CDCA3: variants seen among roughly 807,000 people sequenced by gnomAD.
The protein encoded by CDCA3 is cell division cycle-associated protein 3.
A neutral mutation model predicts 29.1 loss-of-function variants in CDCA3; 16 were observed. That is an observed-to-expected ratio of 0.55 (90% CI 0.37 to 0.83). The LOEUF is 0.83. Among genes scored for constraint, CDCA3 ranks in the 40% least tolerant of loss-of-function variants. The pLI, the probability that CDCA3 is intolerant of heterozygous loss-of-function variation, is 0.00. For missense variants in CDCA3, 291 were observed against 327.2 expected, an observed-to-expected ratio of 0.89 and a Z score of 0.85; for synonymous variants, 88 against 124.5, an observed-to-expected ratio of 0.71 and a Z score of 1.95.
At chr12:6,846,847 G>A, downstream of CDCA3, 1 of 1,602,466 alleles carries the variant, frequency 6.2e-7, no homozygotes, top group Non-Finnish European at 8.5e-7. Context: ...CAGCTGACGG[G>A]ATGGCTGTGG....
At chr12:6,845,509 G>A (rs933089160), downstream of CDCA3, 2 of 967,196 alleles carry the variant, frequency 2.1e-6, no homozygotes, top group Non-Finnish European at 3.2e-6. Context: ...GGAGCTGTCA[G>A]GTGGGAGGCA....
At position 6,850,205 on chromosome 12, in the gene CDCA3, A is replaced by G; in HGVS notation, c.250+262T>C. ...TTATGTGTGTGTATTTTTTCTAGAG[A>G]TGGGGTTTTGCCATGTTGCCTAGGC... On this transcript the variant is annotated intron_variant, in intron 3 of 5. Coordinates refer to ENST00000538862, the MANE Select transcript of CDCA3 (RefSeq NM_031299.7). The surrounding 1 kb of genome is among the most constrained non-coding windows in gnomAD (Gnocchi z 4.7). 1 of 516,802 alleles carries G rather than the reference A, an allele frequency of 1.9e-6. No homozygotes were observed. The highest frequency in any genetic ancestry group is 3.5e-6 in the Non-Finnish European group (1 of 287,788). 32.0% of individuals were successfully genotyped at this position (516,802 alleles called of 1,614,324 possible). A position where few individuals can be genotyped will look rare whatever the true frequency, so the allele number is the denominator to read the frequency against.
Position 6,850,526 on chromosome 12 carries a change from G to T in CDCA3, c.191C>A (p.Ser64Ter). 1 of 1,614,120 alleles carries T rather than the reference G, an allele frequency of 6.2e-7. No homozygotes were observed. Among genetic ancestry groups the T allele is most frequent in the Non-Finnish European group, 8.5e-7 (1 of 1,180,012 alleles). ...QLEGLKHAQD[S>*]DPRSPTLGIA... ...ACCAAGAGTAGGAGAGCGGGGATCT[G>T]AGTCCTGGGCATGTTTAAGACCCTC... Residue 64 changes from serine to a stop codon, truncating the protein, a stop_gained, in exon 3 of 6, where the codon TCA becomes TAA. Transcript: ENST00000538862. LOFTEE classifies it high-confidence loss of function. This position sits in a 1 kb window ranked among gnomAD's most constrained non-coding sequence, Gnocchi z 4.7.
chr12:6,850,002 C>A lies in CDCA3; in HGVS notation c.251-144G>T, dbSNP rs1943800859. 4.2e-6 allele frequency: 3 copies of A among 716,094 alleles called. No homozygotes were observed. The highest frequency in any genetic ancestry group is 4.2e-6 in the Non-Finnish European group (2 of 473,512). The allele number at this position is 716,094 out of a possible 1,614,324, so 44.4% of individuals were successfully genotyped here. Reference sequence around the variant, plus strand: ...TCAAGGAAATCAAGGTGAAAGGGAGCAATTTTTTTTTTTTTTGAGATGGGG... The same window carrying A: ...TCAAGGAAATCAAGGTGAAAGGGAGAAATTTTTTTTTTTTTTGAGATGGGG... On this transcript the variant is annotated intron_variant, in intron 3 of 5. Coordinates refer to ENST00000538862, the MANE Select transcript of CDCA3 (RefSeq NM_031299.7). This position sits in a 1 kb window ranked among gnomAD's most constrained non-coding sequence, Gnocchi z 4.7.
In CDCA3 at chr12:6,850,180, TTA is replaced by T; in HGVS notation, c.250+285_250+286del. On this transcript the variant is annotated intron_variant, in intron 3 of 5. Coordinates refer to ENST00000538862, the MANE Select transcript of CDCA3 (RefSeq NM_031299.7). This position sits in a 1 kb window ranked among gnomAD's most constrained non-coding sequence, Gnocchi z 4.7. ...GTGCTTTTGTGTGTGTGTGTGTGTG[TTA>T]TGTGTGTGTATTTTTTCTAGAGATG... 4 of 509,684 alleles carry T rather than the reference TTA, an allele frequency of 7.8e-6. No individual in the cohort carries two copies. The highest frequency in any genetic ancestry group is 1.4e-5 in the Non-Finnish European group (4 of 283,026). 31.6% of individuals were successfully genotyped at this position (509,684 alleles called of 1,614,324 possible).
At chr12:6,846,532 A>C, downstream of CDCA3, 1 of 365,044 alleles carries the variant, frequency 2.7e-6, no homozygotes, top group Non-Finnish European at 5.0e-6. Context: ...CCCTACAGCT[A>C]ATCCTCTTTC....
Position 6,848,831 on chromosome 12 carries a change from CT to C in CDCA3, c.*211del. On this transcript the variant is annotated 3_prime_UTR_variant, in exon 6 of 6. Coordinates refer to ENST00000538862, the MANE Select transcript of CDCA3 (RefSeq NM_031299.7). ...AACTCGGTGCAAGGTTTACATATAC[CT>C]TTTTAAAGTAACATTTAAAATTACT... The C allele has an allele frequency of 3.5e-6, 2 of 570,664 alleles. No homozygotes were observed. Among genetic ancestry groups the C allele is most frequent in the Non-Finnish European group, 6.2e-6 (2 of 323,016 alleles). 35.4% of individuals were successfully genotyped at this position (570,664 alleles called of 1,614,324 possible).
chr12:6,849,194 T>C lies in CDCA3; in HGVS notation c.656A>G (p.Lys219Arg), dbSNP rs782699279. The C allele has an allele frequency of 2.0e-5, 32 of 1,614,176 alleles. No homozygotes were observed. The African/African-American group carries it at 3.3e-4, about 17-fold the overall frequency. ...SPGTLTLRQG[K>R]RPSPLSENVS... ...ATTTTCACTTAGGGGTGAAGGCCGC[T>C]TACCCTGAAAACGGCAGTGTATGAG... The change falls in exon 6 of 6, where the codon AAG becomes AGG. Residue 219 changes from lysine to arginine, a missense_variant. Transcript: ENST00000538862. This position sits in a 1 kb window ranked among gnomAD's most constrained non-coding sequence, Gnocchi z 5.2.
chr12:6,845,496 C>T, downstream of CDCA3: 4 of 850,318 alleles, frequency 4.7e-6, no homozygotes, highest in Non-Finnish European at 7.6e-6. Flanking sequence ...AGCGGCTTGC[C>T]CTGGAGCTGT....
downstream of CDCA3, chr12:6,848,012 C>T (rs1239151536): frequency 6.6e-6 from 1 of 152,066 alleles, no homozygotes; most frequent in Non-Finnish European, 1.5e-5. Context: ...TGAGACAAGC[C>T]TGAGCAACAT....
chr12:6,848,160 G>A (rs1943743819), downstream of CDCA3: 1 of 152,106 alleles, frequency 6.6e-6, no homozygotes, highest in Non-Finnish European at 1.5e-5. Context: ...AACCAGCCTG[G>A]GCAATATGGC....
Position 6,850,002 on chromosome 12 carries a change from CA to C in CDCA3, c.251-145del. ...TCAAGGAAATCAAGGTGAAAGGGAG[CA>C]ATTTTTTTTTTTTTTGAGATGGGGC... On this transcript the variant is annotated intron_variant, in intron 3 of 5. Coordinates refer to ENST00000538862, the MANE Select transcript of CDCA3 (RefSeq NM_031299.7). This position sits in a 1 kb window ranked among gnomAD's most constrained non-coding sequence, Gnocchi z 4.7. 2 of 716,090 alleles carry C rather than the reference CA, an allele frequency of 2.8e-6. No individual in the cohort carries two copies. The highest frequency in any genetic ancestry group is 1.8e-5 in the African/African-American group (1 of 54,518). The allele number at this position is 716,090 out of a possible 1,614,324, so 44.4% of individuals were successfully genotyped here. A position where few individuals can be genotyped will look rare whatever the true frequency, so the allele number is the denominator to read the frequency against.
At chr12:6,846,746 C>A, downstream of CDCA3, 1 of 1,150,936 alleles carries the variant, frequency 8.7e-7, no homozygotes, top group Non-Finnish European at 1.3e-6. Flanking sequence ...CACTGCTTTC[C>A]AAATCAGCTT....
rs1555125652 is a variant in CDCA3, at chr12:6,849,351, T to C, written c.623A>G (p.Asn208Ser). Reference protein sequence around the residue: ...RSPLTILQDDNSPGTLTLRQG... With the variant: ...RSPLTILQDDSSPGTLTLRQG... ...TCGTAGTGTCAGGGTGCCAGGGGAG[T>C]TGTCATCCTGCAGGATGGTGAGGGG... The change falls in exon 5 of 6, where the codon AAC (asparagine) becomes AGC (serine). Residue 208 changes from asparagine (N) to serine (S), a missense_variant. Asn to Ser is a conservative substitution (Grantham distance 46, BLOSUM62 1). Transcript: ENST00000538862. This position sits in a 1 kb window ranked among gnomAD's most constrained non-coding sequence, Gnocchi z 5.2. The C allele has an allele frequency of 1.2e-6, 2 of 1,603,674 alleles. No homozygotes were observed. Among genetic ancestry groups the C allele is most frequent in the East Asian group, 2.2e-5 (1 of 44,776 alleles).
At chr12:6,845,750 C>T (rs895627196), downstream of CDCA3, 1 of 1,614,128 alleles carries the variant, frequency 6.2e-7, no homozygotes, top group Middle Eastern at 1.6e-4. Flanking sequence ...TATTCGCTGG[C>T]TACGACGACT....
chr12:6,846,693 A>G (rs1416563186), downstream of CDCA3: 2 of 652,270 alleles, frequency 3.1e-6, no homozygotes, highest in Non-Finnish European at 5.4e-6. Flanking sequence ...CCACATACAC[A>G]CACACACCCA....
chr12:6,846,977 C>A, downstream of CDCA3: 1 of 801,298 alleles, frequency 1.2e-6, no homozygotes, highest in Non-Finnish European at 2.1e-6. Flanking sequence ...TTCAGGTGTT[C>A]TCTTCTATAT....
chr12:6,845,808 G>A, downstream of CDCA3: 1 of 1,597,618 alleles, frequency 6.3e-7, no homozygotes, highest in Non-Finnish European at 8.6e-7. Context: ...TGTGGGTAAG[G>A]GCCAGCCCTG....
rs1943799463 is a variant in CDCA3 at position 6,849,938 on chromosome 12, A to G, written c.251-80T>C. The G allele has an allele frequency of 5.5e-6, 7 of 1,270,946 alleles. No homozygotes were observed. The highest frequency in any genetic ancestry group is 5.1e-5 in the Admixed American group (2 of 39,052). The allele number at this position is 1,270,946 out of a possible 1,614,324, so 78.7% of individuals were successfully genotyped here. On this transcript the variant is annotated intron_variant, in intron 3 of 5. Transcript: ENST00000538862. The surrounding 1 kb of genome is among the most constrained non-coding windows in gnomAD (Gnocchi z 5.2). ...GGAGCAAAACATACAGAAACCCAGG[A>G]CTCATGCCCAGGAGGGTGAGCAAGT...
Sources: allele counts gnomAD v4.1 joint callset, GRCh38; gene constraint gnomAD v4.1.1; non-coding constraint Gnocchi (gnomAD v3.1); transcripts MANE v1.5; gene names NCBI Gene and HGNC (gene_info 2026-07-23, HGNC 2026-07-21).